The following INO80D variants were observed in gnomAD, a reference collection of about 807,000 sequenced individuals.
The protein encoded by INO80D is INO80 complex subunit D.
INO80D carries 21 observed loss-of-function variants against 87.6 expected under a neutral mutation model. The ratio of observed to expected loss-of-function variants is 0.24; its 90% CI spans 0.17 to 0.35. INO80D has a LOEUF of 0.35. Among genes scored for constraint, INO80D ranks in the 10% least tolerant of loss-of-function variants. The pLI is 1.00. For missense variants in INO80D, 982 were observed against 1,280.7 expected (o/e 0.77, Z 3.56); for synonymous variants, 440 against 491.0 (o/e 0.90, Z 1.37).
At chr2:206,081,911 C>A (rs895587041) in intron 1 of INO80D, among the ~76,000 whole-genome samples, 6 of 152,218 alleles carry the variant, frequency 3.9e-5, no homozygotes, top group Admixed American at 3.9e-4. Context: ...GTTAAAGAAA[C>A]CAAAGACTAA....
Position 206,028,110 on chromosome 2 carries a change from C to A in INO80D, c.1298+1G>T. On this transcript the variant is annotated splice_donor_variant, in intron 6 of 10. Coordinates refer to ENST00000403263, the MANE Select transcript of INO80D (RefSeq NM_017759.5). LOFTEE classifies it high-confidence loss of function. ...TAAGAATAGGTTGCTGTGGCTCTAA[C>A]CTGGTTCGACTGCATGCAGCTCTCC... 1 of 1,533,004 alleles carries A rather than the reference C, an allele frequency of 6.5e-7. No individual in the cohort carries two copies. The allele number at this position is 1,533,004 out of a possible 1,614,324, so 95.0% of individuals were successfully genotyped here.
intron 4 of INO80D, among the ~76,000 whole-genome samples, chr2:206,048,423 G>A (rs547158734): frequency 2.3e-3 from 355 of 151,896 alleles, no homozygotes; most frequent in Non-Finnish European, 4.2e-3. Flanking sequence ...TGTAGAGACC[G>A]GGTTTTGCCA....
At chr2:206,050,021 T>C (rs1164981352) in intron 4 of INO80D, among the ~76,000 whole-genome samples, 2 of 151,808 alleles carry the variant, frequency 1.3e-5, no homozygotes, top group Non-Finnish European at 2.9e-5. Flanking sequence ...TAATCCTAGC[T>C]ACTCAGGAGG....
rs183635556 is a variant in INO80D at position 206,007,996 on chromosome 2, T to C, written c.1761-555A>G. The C allele has an allele frequency of 4.6e-5, 7 of 152,622 alleles. No individual in the cohort carries two copies. In the East Asian group the frequency reaches 5.8e-4, roughly 13 times the overall value. 9.5% of individuals were successfully genotyped at this position (152,622 alleles called of 1,614,324 possible). ...ATCCTAATGTCTTCTAGGTTTTTTT[T>C]TTTAGACAGAGTTTCACTCTTGTTG... On this transcript the variant is annotated intron_variant, in intron 9 of 10. Coordinates refer to ENST00000403263, the MANE Select transcript of INO80D (RefSeq NM_017759.5).
rs1382066937 is a variant in INO80D, at chr2:205,996,975, T to A, written c.*7393A>T. Reference sequence around the variant, plus strand: ...AGGAGATGCTGCAAAAATACAACTGTAGAAAAGAACAGCATATAGAGCTTT... The same window carrying A: ...AGGAGATGCTGCAAAAATACAACTGAAGAAAAGAACAGCATATAGAGCTTT... On this transcript the variant is annotated 3_prime_UTR_variant, in exon 11 of 11. Coordinates refer to ENST00000403263, the MANE Select transcript of INO80D (RefSeq NM_017759.5). The A allele has an allele frequency of 2.0e-5, 3 of 152,094 alleles. No homozygotes were observed. The highest frequency in any genetic ancestry group is 4.4e-5 in the Non-Finnish European group (3 of 67,974). The allele number at this position is 152,094 out of a possible 1,614,324, so 9.4% of individuals were successfully genotyped here.
chr2:206,038,223 A>C (rs1390993697), intron 5 of INO80D, among the ~76,000 whole-genome samples: 6 of 152,182 alleles, frequency 3.9e-5, no homozygotes, highest in Non-Finnish European at 7.4e-5. Context: ...TACCCCATAA[A>C]TGTGTACAAA....
At chr2:206,019,586 G>T in intron 7 of INO80D, 150 bp downstream of exon 7, 1 of 605,796 alleles carries the variant, frequency 1.7e-6, no homozygotes, top group Non-Finnish European at 2.7e-6. Context: ...ATTATTCAGA[G>T]GACATCATGA....
chr2:206,020,199 G>C (rs1688423105), intron 6 of INO80D, among the ~76,000 whole-genome samples: 1 of 152,052 alleles, frequency 6.6e-6, no homozygotes, highest in South Asian at 2.1e-4. Flanking sequence ...TTGAATCTCA[G>C]CTCTCCCTCT....
chr2:206,059,982 T>C (rs1031706131), intron 3 of INO80D, among the ~76,000 whole-genome samples: 3 of 152,112 alleles, frequency 2.0e-5, no homozygotes, highest in African/African-American at 2.4e-5. Flanking sequence ...GGCAGGGCGA[T>C]TGCTTGAAGC....
At chr2:206,080,724 G>A (rs10170685) in intron 1 of INO80D, among the ~76,000 whole-genome samples, 32,122 of 151,362 alleles carry the variant, frequency 0.21, 3,810 homozygotes, top group African/African-American at 0.32. Flanking sequence ...TGGCTAACAC[G>A]GTGAAACCCC....
At chr2:206,044,481 TAAAAA>T (rs55925923) in intron 5 of INO80D, among the ~76,000 whole-genome samples, 4 of 112,522 alleles carry the variant, frequency 3.6e-5, no homozygotes, top group Non-Finnish European at 7.2e-5. Context: ...AAATACCTGT[TAAAAA>T]AAAAAAAAAA....
chr2:206,004,557 G>A lies in INO80D; in HGVS notation c.2895C>T (p.Ser965=). Residue 965 remains serine (S), a synonymous_variant, in exon 11 of 11, where the codon TCC becomes TCT. Transcript: ENST00000403263. This position sits in a 1 kb window ranked among gnomAD's most constrained non-coding sequence, Gnocchi z 4.9. ...GMGPSAELMA[S]TSPKQQLPQF... is the part of the protein sequence containing the mutation. ...GAGGGAGTTGCTGCTTGGGAGAGGT[G>A]GAGGCCATTAGTTCAGCAGAAGGCC... is the stretch of plus-strand genomic sequence containing the variant. The A allele has an allele frequency of 6.2e-7, 1 of 1,610,968 alleles. No individual in the cohort carries two copies. Among genetic ancestry groups the A allele is most frequent in the Non-Finnish European group, 8.5e-7 (1 of 1,178,628 alleles).
chr2:206,066,804 C>CA (rs374391311), intron 1 of INO80D, among the ~76,000 whole-genome samples: 39,772 of 97,764 alleles, frequency 0.41, 5,954 homozygotes, highest in Admixed American at 0.5. Context: ...GACTCCATCA[C>CA]AAAAAAAAAA....
At chr2:206,037,325 C>T (rs540900062) in intron 5 of INO80D, among the ~76,000 whole-genome samples, 5 of 152,260 alleles carry the variant, frequency 3.3e-5, no homozygotes, top group Non-Finnish European at 5.9e-5. Flanking sequence ...CCATGAACTT[C>T]TCCAAGGGAA....
intron 5 of INO80D, among the ~76,000 whole-genome samples, chr2:206,044,711 A>C (rs914656390): frequency 1.3e-5 from 2 of 152,348 alleles, no homozygotes; most frequent in Admixed American, 1.3e-4. Context: ...CCTAATCAAT[A>C]GCATATACTC....
intron 1 of INO80D, among the ~76,000 whole-genome samples, chr2:206,073,797 A>G (rs1330183418): frequency 6.6e-6 from 1 of 152,266 alleles, no homozygotes; most frequent in African/African-American, 2.4e-5. Context: ...TTACAGGCCT[A>G]AGCCACCATG....
rs774994130 is a variant in INO80D at position 206,056,393 on chromosome 2, G to C, written c.769C>G (p.Gln257Glu). Reference protein sequence around the residue: ...PTTHTIAQARQLSHKRPLPLL... With the variant: ...PTTHTIAQARELSHKRPLPLL... ...GGCAGAGGCCTCTTGTGAGACAACTGCCGTGCTTGTGCTATAGTGTGTGTG... is the reference window on the plus strand; with the variant it reads ...GGCAGAGGCCTCTTGTGAGACAACTCCCGTGCTTGTGCTATAGTGTGTGTG... Residue 257 changes from glutamine to glutamate, a missense_variant, in exon 4 of 11, where the codon CAG becomes GAG. Coordinates refer to ENST00000403263, the MANE Select transcript of INO80D (RefSeq NM_017759.5). 31 of 1,613,858 alleles carry C rather than the reference G, an allele frequency of 1.9e-5. No individual in the cohort carries two copies. Among genetic ancestry groups the C allele is most frequent in the Non-Finnish European group, 2.6e-5 (31 of 1,179,836 alleles).
chr2:206,004,282 T>C lies in INO80D; in HGVS notation c.*86A>G. 1 of 1,252,274 alleles carries C rather than the reference T, an allele frequency of 8.0e-7. No homozygotes were observed. Among genetic ancestry groups the C allele is most frequent in the Non-Finnish European group, 1.1e-6 (1 of 896,208 alleles). 77.6% of individuals were successfully genotyped at this position (1,252,274 alleles called of 1,614,324 possible). A position where few individuals can be genotyped will look rare whatever the true frequency, so the allele number is the denominator to read the frequency against. ...CTGATCCCCATCTGTTATATCTTCT[T>C]TAGGAAAAGGGGAGAGGGGTGCTAA... On this transcript the variant is annotated 3_prime_UTR_variant, in exon 11 of 11. Coordinates refer to ENST00000403263, the MANE Select transcript of INO80D (RefSeq NM_017759.5). The surrounding 1 kb of genome is among the most constrained non-coding windows in gnomAD (Gnocchi z 4.9).
intron 8 of INO80D, among the ~76,000 whole-genome samples, chr2:206,017,060 T>C (rs915637530): frequency 6.6e-6 from 1 of 152,192 alleles, no homozygotes; most frequent in Non-Finnish European, 1.5e-5. Context: ...CCTAGTTATA[T>C]ACCAAGCTGG....
Sources: gnomAD v4.1 joint callset for allele counts (sites outside exome capture counted in the v4.1 genomes callset) on GRCh38, gnomAD v4.1.1 for gene constraint, Gnocchi (gnomAD v3.1) non-coding constraint, MANE v1.5 for transcripts, NCBI Gene and HGNC (gene_info 2026-07-23, HGNC 2026-07-21) for gene names.